The following RBFOX1 variants were observed in gnomAD, a reference collection of about 807,000 sequenced individuals.
RBFOX1 encodes RNA binding protein fox-1 homolog 1.
A neutral mutation model predicts 57.7 loss-of-function variants in RBFOX1; 8 were observed. The observed-to-expected ratio is 0.14, with a 90% CI of 0.08 to 0.25. RBFOX1 has a LOEUF of 0.25. Ranked by LOEUF, RBFOX1 falls within the 10% of genes least tolerant of loss-of-function variation. RBFOX1 has a pLI of 1.00. For synonymous variants in RBFOX1, 326 were observed against 222.4 expected, an observed-to-expected ratio of 1.47 and a Z score of -4.15; for missense variants, 611 against 548.5, an observed-to-expected ratio of 1.11 and a Z score of -1.14.
At chr16:6,420,518 A>G (rs1355675889) in intron 2 of RBFOX1, among the ~76,000 whole-genome samples, 1 of 152,210 alleles carries the variant, frequency 6.6e-6, no homozygotes, top group African/African-American at 2.4e-5. Context: ...ATATTTTTCT[A>G]CTTTAAAGGG....
intron 4 of RBFOX1, among the ~76,000 whole-genome samples, chr16:7,428,109 C>T (rs937443295): frequency 2.6e-5 from 4 of 152,118 alleles, no homozygotes; most frequent in African/African-American, 9.7e-5. Context: ...TTTGTCATTT[C>T]CTCCAAATCT....
chr16:6,129,452 A>G (rs2096613754), intron 1 of RBFOX1, among the ~76,000 whole-genome samples: 1 of 152,198 alleles, frequency 6.6e-6, no homozygotes. Flanking sequence ...TTGAAGACAG[A>G]ACAGAAAATT....
chr16:7,241,827 A>C (rs539320501), intron 4 of RBFOX1, among the ~76,000 whole-genome samples: 5 of 152,122 alleles, frequency 3.3e-5, no homozygotes, highest in African/African-American at 9.6e-5. Flanking sequence ...ATATATGTTT[A>C]TACATATATT....
chr16:7,088,479 A>C (rs1237924564), intron 4 of RBFOX1, among the ~76,000 whole-genome samples: 4 of 152,148 alleles, frequency 2.6e-5, no homozygotes, highest in African/African-American at 9.7e-5. Flanking sequence ...ATTGGTCTTG[A>C]AAAAGGTAGA....
chr16:6,284,735 G>C (rs1320892821), intron 1 of RBFOX1, among the ~76,000 whole-genome samples: 1 of 152,030 alleles, frequency 6.6e-6, no homozygotes, highest in Non-Finnish European at 1.5e-5. Context: ...GTGAAATCAG[G>C]GGAGAATGGA....
Position 6,271,896 on chromosome 16 carries a change from T to G in RBFOX1, c.-126-45099T>G, listed in dbSNP as rs113416804. On this transcript the variant is annotated intron_variant, in intron 1 of 15. Transcript: ENST00000550418. ...GAATGAAGCATTAACACCAAGTCCA[T>G]ATATCCTCTTCCAGAAAACAGGAGA... 1.4e-3 allele frequency among the ~76,000 whole-genome samples: 206 copies of G among 152,264 alleles called. 1 individual carries two copies. The highest frequency in any genetic ancestry group is 4.4e-3 in the African/African-American group (181 of 41,566).
intron 3 of RBFOX1, among the ~76,000 whole-genome samples, chr16:5,756,223 C>CAAAAAAA (rs5815266): frequency 2.3e-3 from 116 of 50,778 alleles, no homozygotes; most frequent in East Asian, 3.9e-3. Context: ...TCCACATAAG[C>CAAAAAAA]AAAAAAAAAA....
chr16:6,092,420 G>T (rs2096188616), intron 1 of RBFOX1: 1 of 152,138 alleles, frequency 6.6e-6, no homozygotes. Flanking sequence ...GTTTTCCCTA[G>T]CCTGCTGCAA....
Position 5,482,704 on chromosome 16 carries a change from G to C in RBFOX1, c.258+15450G>C, listed in dbSNP as rs2069587806. Among the ~76,000 whole-genome samples the C allele has an allele frequency of 2.6e-5, 4 of 152,160 alleles. No homozygotes were observed. The South Asian group carries it at 8.3e-4, about 32-fold the overall frequency. On this transcript the variant is annotated intron_variant, in intron 2 of 2. Transcript: ENST00000585867. ...CAGAGAATGGGGGTGTGTGTGATCTGTACCTACCATCCTTGCTTCTAAACG... is the reference window on the plus strand; with the variant it reads ...CAGAGAATGGGGGTGTGTGTGATCTCTACCTACCATCCTTGCTTCTAAACG...
intron 3 of RBFOX1, among the ~76,000 whole-genome samples, chr16:5,721,582 TATG>T (rs1189672645): frequency 1.3e-5 from 2 of 152,234 alleles, no homozygotes; most frequent in African/African-American, 4.8e-5. Context: ...GGCCATTGCG[TATG>T]ATGCCACCTG....
chr16:5,459,301 G>A (rs1310548841), intron 1 of RBFOX1, among the ~76,000 whole-genome samples: 1 of 152,320 alleles, frequency 6.6e-6, no homozygotes, highest in African/African-American at 2.4e-5. Context: ...GGCAGATATA[G>A]CTCCAGCTCG....
intron 3 of RBFOX1, among the ~76,000 whole-genome samples, chr16:5,818,148 A>C (rs889699878): frequency 6.6e-6 from 1 of 152,186 alleles, no homozygotes; most frequent in Admixed American, 6.5e-5. Flanking sequence ...CACCATCCTT[A>C]GCATTGTTAC....
chr16:6,961,134 A>C (rs1400822265), intron 3 of RBFOX1, among the ~76,000 whole-genome samples: 1 of 43,494 alleles, frequency 2.3e-5, no homozygotes, highest in Non-Finnish European at 5.4e-5. Context: ...TAGAGACTCC[A>C]TCACACACAC....
chr16:5,341,970 CT>C (rs1221752857), intron 1 of RBFOX1, among the ~76,000 whole-genome samples: 1 of 152,136 alleles, frequency 6.6e-6, no homozygotes, highest in Non-Finnish European at 1.5e-5. Flanking sequence ...TTGGATCACC[CT>C]TTTGGGAAGA....
chr16:7,488,960 C>T (rs2066179099), intron 4 of RBFOX1, among the ~76,000 whole-genome samples: 1 of 152,206 alleles, frequency 6.6e-6, no homozygotes, highest in African/African-American at 2.4e-5. Context: ...TCTATGTATA[C>T]ATTCATCCAT....
intron 4 of RBFOX1, among the ~76,000 whole-genome samples, chr16:7,418,285 G>C (rs748005279): frequency 1.1e-4 from 16 of 152,192 alleles, no homozygotes; most frequent in Non-Finnish European, 2.9e-5. Context: ...GAGTATACCA[G>C]AAAGGACTGC....
At chr16:6,212,237 G>A (rs1045971878) in intron 1 of RBFOX1, among the ~76,000 whole-genome samples, 20 of 151,872 alleles carry the variant, frequency 1.3e-4, no homozygotes, top group African/African-American at 4.1e-4. Context: ...GTTAATTGGT[G>A]AAAAAAGTTG....
chr16:5,447,878 A>G (rs541114902), intron 1 of RBFOX1, among the ~76,000 whole-genome samples: 2 of 152,258 alleles, frequency 1.3e-5, no homozygotes, highest in East Asian at 3.9e-4. Flanking sequence ...TTCCTGTGAC[A>G]CTTTTCATTT....
At chr16:7,371,086 G>A (rs1185231673) in intron 4 of RBFOX1, among the ~76,000 whole-genome samples, 1 of 152,106 alleles carries the variant, frequency 6.6e-6, no homozygotes, top group African/African-American at 2.4e-5. Context: ...TTTTACGCAG[G>A]TTTTCAGAAG....
Sources: gnomAD v4.1 joint callset for allele counts (sites outside exome capture counted in the v4.1 genomes callset) on GRCh38, gnomAD v4.1.1 for gene constraint, MANE v1.5 for transcripts, NCBI Gene and HGNC (gene_info 2026-07-23, HGNC 2026-07-21) for gene names.